Variants in ARID1B observed in about 807,000 individuals in gnomAD.
ARID1B encodes AT-rich interactive domain-containing protein 1B.
A neutral mutation model predicts 212.3 loss-of-function variants in ARID1B; 30 were observed. The ratio of observed to expected loss-of-function variants is 0.14; its 90% CI spans 0.11 to 0.19. The LOEUF (loss-of-function observed/expected upper bound fraction) is 0.19. ARID1B is among the 10% of genes least tolerant of loss of function. The pLI is 1.00. For synonymous variants in ARID1B, 1,402 were observed against 1,301.7 expected (o/e 1.08, Z -1.66); for missense variants, 2,891 against 3,204.0 (o/e 0.90, Z 2.36).
chr6:157,099,340 C>A (rs1396041080), intron 5 of ARID1B, among the ~76,000 whole-genome samples: 1 of 152,210 alleles, frequency 6.6e-6, no homozygotes, highest in African/African-American at 2.4e-5. Flanking sequence ...CTTAACTTGT[C>A]CTTTGCCTTG....
intron 9 of ARID1B, chr6:157,167,823 T>G (rs1791440167): frequency 6.6e-6 from 1 of 152,378 alleles, no homozygotes; most frequent in Non-Finnish European, 1.5e-5. Flanking sequence ...TCTGAGACTG[T>G]GCATATCTCC....
At chr6:156,946,008 C>T (rs1046319216) in intron 4 of ARID1B, among the ~76,000 whole-genome samples, 5 of 152,044 alleles carry the variant, frequency 3.3e-5, no homozygotes, top group African/African-American at 1.2e-4. Flanking sequence ...GACCCTGTCT[C>T]AACAACGACA....
At chr6:156,896,576 C>CAAA (rs72490811) in intron 2 of ARID1B, among the ~76,000 whole-genome samples, 1,299 of 45,802 alleles carry the variant, frequency 0.028, 78 homozygotes, top group Admixed American at 0.033. Flanking sequence ...AACTGCGTCT[C>CAAA]AAAAAAAAAA....
chr6:156,828,342 A>G (rs952896093), intron 1 of ARID1B, among the ~76,000 whole-genome samples: 5 of 152,170 alleles, frequency 3.3e-5, no homozygotes, highest in Non-Finnish European at 7.4e-5. Context: ...CTCAGTGTGA[A>G]CGCAGCATCT....
intron 4 of ARID1B, among the ~76,000 whole-genome samples, chr6:156,990,070 TG>T (rs1778179701): frequency 6.6e-6 from 1 of 152,148 alleles, no homozygotes; most frequent in South Asian, 2.1e-4. Flanking sequence ...ACTTACTATT[TG>T]GGGAGCAAAA....
At chr6:156,940,318 C>G (rs1477277763) in intron 4 of ARID1B, 1 of 152,170 alleles carries the variant, frequency 6.6e-6, no homozygotes, top group African/African-American at 2.4e-5. Flanking sequence ...TAGGAAATAT[C>G]TAAAGAGGTT....
rs1792045222 is a variant in ARID1B at position 156,934,915 on chromosome 6, TATA to T, written c.2137-550_2137-548del. 7.2e-3 allele frequency among the ~76,000 whole-genome samples: 279 copies of T among 38,984 alleles called. 8 individuals are homozygous for T. The highest frequency in any genetic ancestry group is 0.013 in the African/African-American group (107 of 8,480). The allele number at this position is 38,984 out of a possible 152,430, so 25.6% of individuals were successfully genotyped here. On this transcript the variant is annotated intron_variant, in intron 3 of 19. Transcript: ENST00000636930. The stretch of plus-strand genomic sequence containing the variant: ...TCATAATAAATTTAGTTGTTAATTA[TATA>T]TATATATATATATATATATATATAT...
chr6:156,904,126 T>G (rs1422404507), intron 3 of ARID1B, among the ~76,000 whole-genome samples: 1 of 152,200 alleles, frequency 6.6e-6, no homozygotes, highest in East Asian at 1.9e-4. Flanking sequence ...ATTTATAGTT[T>G]ATTGTATGTT....
chr6:157,171,641 T>C (rs1405455905), intron 9 of ARID1B, among the ~76,000 whole-genome samples: 1 of 152,266 alleles, frequency 6.6e-6, no homozygotes, highest in African/African-American at 2.4e-5. Flanking sequence ...CTCTAAATTC[T>C]ATCCTTATTT....
intron 6 of ARID1B, among the ~76,000 whole-genome samples, chr6:157,112,489 A>G (rs1004725216): frequency 6.6e-6 from 1 of 152,166 alleles, no homozygotes; most frequent in African/African-American, 2.4e-5. Context: ...TCACCCCATA[A>G]CCCTGTAACA....
intron 4 of ARID1B, among the ~76,000 whole-genome samples, chr6:156,983,043 C>T (rs1243037996): frequency 6.7e-6 from 1 of 149,598 alleles, no homozygotes; most frequent in Non-Finnish European, 1.5e-5. Flanking sequence ...TGCAGTGAGC[C>T]GAGATTGCAC....
rs899796807 is a variant in ARID1B at position 157,203,761 on chromosome 6, A to G, written c.5264-105A>G. On this transcript the variant is annotated intron_variant, in intron 18 of 19. Transcript: ENST00000636930. This position sits in a 1 kb window ranked among gnomAD's most constrained non-coding sequence, Gnocchi z 4.4. ...TTGAGAGCATTTGTTTAAAGTCAAT[A>G]TTTAACTTAACACTCCACTTATTTT... The G allele has an allele frequency of 2.2e-6, 3 of 1,382,280 alleles. No individual in the cohort carries two copies. The highest frequency in any genetic ancestry group is 1.3e-5 in the South Asian group (1 of 77,716). 85.6% of individuals were successfully genotyped at this position (1,382,280 alleles called of 1,614,324 possible).
At chr6:157,198,577 A>G (rs1436727564) in intron 16 of ARID1B, 3 of 524,260 alleles carry the variant, frequency 5.7e-6, no homozygotes, top group Non-Finnish European at 1.0e-5. Flanking sequence ...TCTGACACCT[A>G]TTAGCCAACA....
intron 1 of ARID1B, among the ~76,000 whole-genome samples, chr6:156,789,876 C>G (rs1015321998): frequency 6.6e-6 from 1 of 152,108 alleles, no homozygotes; most frequent in Non-Finnish European, 1.5e-5. Context: ...TTATAAGAAA[C>G]GTGTATGCTG....
At chr6:156,976,646 A>C (rs1777268482) in intron 4 of ARID1B, among the ~76,000 whole-genome samples, 2 of 152,110 alleles carry the variant, frequency 1.3e-5, no homozygotes, top group African/African-American at 4.8e-5. Context: ...GTCCCCTTCC[A>C]CCACGTGGAA....
chr6:157,157,539 T>G (rs1231373012), intron 8 of ARID1B, among the ~76,000 whole-genome samples: 1 of 152,188 alleles, frequency 6.6e-6, no homozygotes, highest in African/African-American at 2.4e-5. Context: ...GCAGGAAGTT[T>G]GTAAGTGGTG....
At chr6:157,180,014 T>C (rs1429616033) in intron 11 of ARID1B, among the ~76,000 whole-genome samples, 1 of 152,236 alleles carries the variant, frequency 6.6e-6, no homozygotes. Flanking sequence ...AAATTATTGT[T>C]CCAAGAAATC....
In ARID1B at chr6:156,778,868, C is replaced by T. The variant is rs1305647870; in HGVS notation, c.1188C>T (p.Gly396=). The change falls in exon 1 of 20, where the codon GGC becomes GGT. Residue 396 remains glycine (G), a synonymous_variant. Transcript: ENST00000636930. ...GCGCGGGCGGCGGCGGCGGCGGCGG[C>T]GGCGGAGGAGGAGGAGGCAGCGGAG... ...RPGAGGGGGG[G]GGGGGGSGGG... The T allele has an allele frequency of 7.1e-7, 1 of 1,398,850 alleles. No homozygotes were observed. Among genetic ancestry groups the T allele is most frequent in the South Asian group, 1.6e-5 (1 of 62,368 alleles). 86.7% of individuals were successfully genotyped at this position (1,398,850 alleles called of 1,614,324 possible).
chr6:156,915,265 A>G (rs562733606), intron 3 of ARID1B, among the ~76,000 whole-genome samples: 15 of 152,328 alleles, frequency 9.8e-5, no homozygotes, highest in South Asian at 8.3e-4. Context: ...ATTGCTGGGC[A>G]AAAGAACAGG....
Sources: allele counts gnomAD v4.1 joint callset (sites outside exome capture counted in the v4.1 genomes callset), GRCh38; gene constraint gnomAD v4.1.1; non-coding constraint Gnocchi (gnomAD v3.1); transcripts MANE v1.5; gene names NCBI Gene and HGNC (gene_info 2026-07-23, HGNC 2026-07-21).